Variants in RNF130 observed in about 807,000 individuals in gnomAD.
RNF130 encodes the protein ring finger protein 130.
In RNF130, 21 loss-of-function variants were observed where a neutral mutation model predicts 44.6. The ratio of observed to expected loss-of-function variants is 0.47; its 90% CI spans 0.33 to 0.68. The LOEUF is 0.68. Among genes scored for constraint, RNF130 ranks in the 30% least tolerant of loss-of-function variants. The probability of loss-of-function intolerance (pLI) is 0.02; values close to 1 mark genes in which losing one functional copy is unlikely to be tolerated. For synonymous variants in RNF130, 214 were observed against 210.4 expected (o/e 1.02, Z -0.15); for missense variants, 479 against 560.6 (o/e 0.85, Z 1.47).
chr5:179,951,414 C>T (rs185954517), downstream of RNF130, among the ~76,000 whole-genome samples: 1,480 of 149,694 alleles, frequency 9.9e-3, 24 homozygotes, highest in African/African-American at 0.035. Flanking sequence ...GATGGAGTCT[C>T]GCTTTGTCGC....
intron 2 of RNF130, among the ~76,000 whole-genome samples, chr5:180,024,414 T>A (rs2113110234): frequency 6.6e-6 from 1 of 152,310 alleles, no homozygotes; most frequent in Admixed American, 6.5e-5. Context: ...ATCTTCCCAA[T>A]TTTTCCATAA....
chr5:180,019,894 G>A (rs376235759), intron 2 of RNF130, among the ~76,000 whole-genome samples: 20 of 152,162 alleles, frequency 1.3e-4, no homozygotes, highest in Non-Finnish European at 2.2e-4. Context: ...ACTGAGTCAC[G>A]GAACGGTGAA....
chr5:180,002,600 G>A (rs1763369355), intron 3 of RNF130, among the ~76,000 whole-genome samples: 1 of 152,144 alleles, frequency 6.6e-6, no homozygotes, highest in African/African-American at 2.4e-5. Context: ...TGGTGGTGAG[G>A]TCTGTAGGTA....
intron 6 of RNF130, among the ~76,000 whole-genome samples, chr5:179,968,777 G>T (rs1348903103): frequency 6.6e-6 from 1 of 152,148 alleles, no homozygotes; most frequent in African/African-American, 2.4e-5. Context: ...CTCCCTGGGG[G>T]ACATCTGGCA....
chr5:180,046,029 G>A (rs1764556909), intron 1 of RNF130, among the ~76,000 whole-genome samples: 2 of 152,230 alleles, frequency 1.3e-5, no homozygotes, highest in South Asian at 4.1e-4. Flanking sequence ...GGAGGCTCCA[G>A]TGGCGTGGAC....
At chr5:179,966,325 A>C (rs897509531) in intron 7 of RNF130, among the ~76,000 whole-genome samples, 1 of 152,198 alleles carries the variant, frequency 6.6e-6, no homozygotes, top group African/African-American at 2.4e-5. Context: ...TCCATAAAAA[A>C]TGTAAAATAA....
rs1396432831 is a variant in RNF130, at chr5:180,013,053, G to C, written c.693+8C>G. On this transcript the variant is annotated splice_region_variant and intron_variant, in intron 3 of 8. Coordinates refer to ENST00000521389, the MANE Select transcript of RNF130 (RefSeq NM_018434.6). Reference sequence around the variant, plus strand: ...TACGAACCAATCACTGTTGAGTACTGAGCTCACCTGGTTCCTGTCGCGTGC... The same window carrying C: ...TACGAACCAATCACTGTTGAGTACTCAGCTCACCTGGTTCCTGTCGCGTGC... 4.3e-6 allele frequency: 7 copies of C among 1,610,804 alleles called. No individual in the cohort carries two copies. The highest frequency in any genetic ancestry group is 5.1e-6 in the Non-Finnish European group (6 of 1,179,194).
At chr5:179,949,416 T>C (rs1026754101) in intron 7 of RNF130, among the ~76,000 whole-genome samples, 45 of 151,944 alleles carry the variant, frequency 3.0e-4, no homozygotes, top group African/African-American at 1.1e-3. Flanking sequence ...CAAGCCACCA[T>C]GTCCAGCTAA....
chr5:180,031,771 A>G (rs1764135632), intron 2 of RNF130, among the ~76,000 whole-genome samples: 1 of 152,202 alleles, frequency 6.6e-6, no homozygotes, highest in Non-Finnish European at 1.5e-5. Flanking sequence ...GATATCTGGG[A>G]GTGGGACTGC....
At chr5:179,918,822 C>T (rs756209766) in exon 8 of RNF130, 1 of 152,286 alleles carries the variant, frequency 6.6e-6, no homozygotes, top group South Asian at 2.1e-4. Context: ...GAAGCCTGTC[C>T]CCATCCGGGG....
intron 2 of RNF130, among the ~76,000 whole-genome samples, chr5:180,018,842 C>T (rs1010397833): frequency 3.3e-5 from 5 of 152,162 alleles, no homozygotes; most frequent in African/African-American, 1.2e-4. Context: ...TCTATGCCCT[C>T]ACCCTCTTGG....
Position 179,962,487 on chromosome 5 carries a change from G to A in RNF130, c.1244+984C>T, listed in dbSNP as rs149652324. ...ACGTAATTGAATATGGAGATCACGT[G>A]AATTCCACCCATATCAACCTAGGTT... On this transcript the variant is annotated intron_variant, in intron 8 of 8. Coordinates refer to ENST00000521389, the MANE Select transcript of RNF130 (RefSeq NM_018434.6). 1.7e-3 allele frequency among the ~76,000 whole-genome samples: 264 copies of A among 152,310 alleles called. 2 individuals are homozygous for A. The highest frequency in any genetic ancestry group is 5.7e-3 in the African/African-American group (239 of 41,574).
intron 7 of RNF130, among the ~76,000 whole-genome samples, chr5:179,926,203 T>A (rs962564969): frequency 6.6e-6 from 1 of 152,230 alleles, no homozygotes; most frequent in Non-Finnish European, 1.5e-5. Flanking sequence ...ACTCCAGTCA[T>A]ACAGGCAAGA....
chr5:179,923,163 A>G (rs1761659295), intron 7 of RNF130, among the ~76,000 whole-genome samples: 1 of 152,174 alleles, frequency 6.6e-6, no homozygotes, highest in African/African-American at 2.4e-5. Flanking sequence ...TAGAAGCTTT[A>G]TAGTTTTAGT....
chr5:179,961,353 C>A (rs562593503), intron 8 of RNF130, among the ~76,000 whole-genome samples: 120 of 152,280 alleles, frequency 7.9e-4, no homozygotes, highest in African/African-American at 2.7e-3. Context: ...ACTGTGAAAT[C>A]AACCCTCTAC....
chr5:179,981,713 A>C (rs1410974397), intron 3 of RNF130, among the ~76,000 whole-genome samples: 1 of 152,210 alleles, frequency 6.6e-6, no homozygotes, highest in African/African-American at 2.4e-5. Context: ...ATTATCCAAT[A>C]CTCACACTAT....
intron 8 of RNF130, among the ~76,000 whole-genome samples, chr5:179,962,347 C>T (rs1762351403): frequency 6.6e-6 from 1 of 152,174 alleles, no homozygotes; most frequent in South Asian, 2.1e-4. Context: ...AGGCCACTTG[C>T]CCATTGTTTC....
intron 3 of RNF130, among the ~76,000 whole-genome samples, chr5:180,010,741 G>T (rs1763574205): frequency 6.6e-6 from 1 of 152,178 alleles, no homozygotes. Context: ...AGGGAAGGGG[G>T]AAGGAGGGAG....
At chr5:180,028,486 G>T (rs542593415) in intron 2 of RNF130, among the ~76,000 whole-genome samples, 6 of 151,988 alleles carry the variant, frequency 3.9e-5, no homozygotes, top group Admixed American at 2.0e-4. Flanking sequence ...CTTTCTGGTC[G>T]AATCCTAAGT....
Sources: allele counts gnomAD v4.1 joint callset (sites outside exome capture counted in the v4.1 genomes callset), GRCh38; gene constraint gnomAD v4.1.1; transcripts MANE v1.5; gene names NCBI Gene and HGNC (gene_info 2026-07-23, HGNC 2026-07-21).